Variants in FBXW11 observed in about 807,000 individuals in gnomAD.
The protein encoded by FBXW11 is F-box/WD repeat-containing protein 11.
In FBXW11, 19 loss-of-function variants were observed where a neutral mutation model predicts 77.6. The ratio of observed to expected loss-of-function variants is 0.24; its 90% confidence interval spans 0.17 to 0.36. FBXW11 has a LOEUF of 0.36. FBXW11 is among the 10% of genes least tolerant of loss of function. The pLI, the probability that FBXW11 is intolerant of heterozygous loss-of-function variation, is 1.00. For missense variants in FBXW11, 334 were observed against 704.2 expected (o/e 0.47, Z 5.95); for synonymous variants, 235 against 249.4 (o/e 0.94, Z 0.54).
In FBXW11 at chr5:171,972,605, C is replaced by T. The variant is rs921339381; in HGVS notation, c.46-14907G>A. Reference sequence around the variant, plus strand: ...TGTCACCCAGGCTGGAGTGCAATGACGCGATCTTGGCTCACTGCAACCTCC... The same window carrying T: ...TGTCACCCAGGCTGGAGTGCAATGATGCGATCTTGGCTCACTGCAACCTCC... On this transcript the variant is annotated intron_variant, in intron 1 of 13. Transcript: ENST00000517395. Among the ~76,000 whole-genome samples, 23 of 148,456 alleles carry T rather than the reference C, an allele frequency of 1.5e-4. 1 individual carries two copies. Among genetic ancestry groups the T allele is most frequent in the Middle Eastern group, 3.6e-3 (1 of 274 alleles).
chr5:171,904,883 T>G lies in FBXW11; in HGVS notation c.437-4783A>C, dbSNP rs986208070. Among the ~76,000 whole-genome samples the G allele has an allele frequency of 6.6e-6, 1 of 152,184 alleles. No homozygotes were observed. The highest frequency in any genetic ancestry group is 1.5e-5 in the Non-Finnish European group (1 of 68,028). ...CCGTGCCCAGCCAGGAATCTGTATT[T>G]TTAAGAAGTGCCACTAGATAATGCT... On this transcript the variant is annotated intron_variant, in intron 4 of 13. Transcript: ENST00000517395. This position sits in a 1 kb window ranked among gnomAD's most constrained non-coding sequence, Gnocchi z 4.0.
At chr5:171,966,693 T>C (rs763717637) in intron 1 of FBXW11, among the ~76,000 whole-genome samples, 6 of 152,214 alleles carry the variant, frequency 3.9e-5, no homozygotes, top group Non-Finnish European at 7.3e-5. Context: ...AACACCTAAG[T>C]ACATCTGGGC....
Position 171,986,544 on chromosome 5 carries a change from T to C in FBXW11, c.45+19914A>G, listed in dbSNP as rs998269146. Among the ~76,000 whole-genome samples the C allele has an allele frequency of 1.1e-4, 16 of 152,038 alleles. No homozygotes were observed. In the South Asian group the frequency reaches 3.3e-3, roughly 32 times the overall value. On this transcript the variant is annotated intron_variant, in intron 1 of 13. Transcript: ENST00000517395. ...GAGTTCAAGACCAGCCTGGCCAACA[T>C]GGCAAAGCCCCATCTCTGCTAAAAA...
Position 171,876,756 on chromosome 5 carries a change from T to G in FBXW11, c.972-222A>C, listed in dbSNP as rs954628085. On this transcript the variant is annotated intron_variant, in intron 8 of 13. Coordinates refer to ENST00000517395, the MANE Select transcript of FBXW11 (RefSeq NM_001378974.1). This position sits in a 1 kb window ranked among gnomAD's most constrained non-coding sequence, Gnocchi z 4.2. Reference sequence around the variant, plus strand: ...CATGAATGGCTTGGTGCCATTCTCATAGGAGGGAGTTCACTCTTAGTTCCT... The same window carrying G: ...CATGAATGGCTTGGTGCCATTCTCAGAGGAGGGAGTTCACTCTTAGTTCCT... Among the ~76,000 whole-genome samples, 3 of 152,176 alleles carry G rather than the reference T, an allele frequency of 2.0e-5. No individual in the cohort carries two copies. Among genetic ancestry groups the G allele is most frequent in the Non-Finnish European group, 4.4e-5 (3 of 68,030 alleles).
intron 1 of FBXW11, among the ~76,000 whole-genome samples, chr5:172,001,395 G>C: frequency 6.6e-6 from 1 of 152,182 alleles, no homozygotes; most frequent in East Asian, 1.9e-4. Flanking sequence ...AAAGAGGATA[G>C]TTAAGACACA....
At chr5:171,913,826 C>CAT (rs1761046099) in intron 3 of FBXW11, among the ~76,000 whole-genome samples, 1 of 112,180 alleles carries the variant, frequency 8.9e-6, no homozygotes, top group Non-Finnish European at 1.8e-5. Flanking sequence ...CATACACACA[C>CAT]ACACACACAC....
At chr5:171,949,089 G>A (rs560842569) in intron 2 of FBXW11, among the ~76,000 whole-genome samples, 22 of 152,242 alleles carry the variant, frequency 1.4e-4, no homozygotes, top group African/African-American at 3.6e-4. Context: ...TAGGAATAAC[G>A]TTTGACACTA....
chr5:171,997,728 C>A (rs1581098039), intron 1 of FBXW11, among the ~76,000 whole-genome samples: 1 of 152,136 alleles, frequency 6.6e-6, no homozygotes, highest in African/African-American at 2.4e-5. Flanking sequence ...ATATTAAGTC[C>A]TGTCCATATT....
In FBXW11 at chr5:171,916,241, A is replaced by T. The variant is rs191342715; in HGVS notation, c.148-1836T>A. Among the ~76,000 whole-genome samples, 243 of 104,724 alleles carry T rather than the reference A, an allele frequency of 2.3e-3. 1 individual carries two copies. The highest frequency in any genetic ancestry group is 6.0e-3 in the East Asian group (20 of 3,360). The allele number at this position is 104,724 out of a possible 152,430, so 68.7% of individuals were successfully genotyped here. A position where few individuals can be genotyped will look rare whatever the true frequency, so the allele number is the denominator to read the frequency against. Reference sequence around the variant, plus strand: ...TACCCTAGAACTTAAAGTATAATTTAAAAAAAAAATGAGAAAAAAAAAAAA... The same window carrying T: ...TACCCTAGAACTTAAAGTATAATTTTAAAAAAAAATGAGAAAAAAAAAAAA... On this transcript the variant is annotated intron_variant, in intron 2 of 13. Coordinates refer to ENST00000517395, the MANE Select transcript of FBXW11 (RefSeq NM_001378974.1).
intron 1 of FBXW11, among the ~76,000 whole-genome samples, chr5:171,974,092 G>A (rs1229240822): frequency 6.6e-6 from 1 of 152,094 alleles, no homozygotes; most frequent in Non-Finnish European, 1.5e-5. Flanking sequence ...GGTGGTACAT[G>A]AAGATTCTTT....
At chr5:171,965,067 T>C (rs956266805) in intron 1 of FBXW11, among the ~76,000 whole-genome samples, 2 of 152,040 alleles carry the variant, frequency 1.3e-5, no homozygotes, top group Non-Finnish European at 2.9e-5. Flanking sequence ...ATGAGAAGAA[T>C]GAGGAAAACC....
intron 1 of FBXW11, among the ~76,000 whole-genome samples, chr5:172,005,458 A>G (rs999189391): frequency 2.0e-5 from 3 of 152,044 alleles, no homozygotes; most frequent in African/African-American, 7.2e-5. Flanking sequence ...CTTCCACCAA[A>G]TCATCCATCA....
intron 4 of FBXW11, among the ~76,000 whole-genome samples, chr5:171,902,426 C>G (rs1279541583): frequency 6.6e-6 from 1 of 150,702 alleles, no homozygotes; most frequent in Admixed American, 6.6e-5. Context: ...AATCCCTAAA[C>G]CCCATTTCCC....
chr5:171,934,676 CAAAA>C (rs34077162), intron 2 of FBXW11, among the ~76,000 whole-genome samples: 3 of 69,196 alleles, frequency 4.3e-5, no homozygotes, highest in Admixed American at 1.6e-4. Context: ...GACCCTGTCT[CAAAA>C]AAAAAAAAAA....
intron 1 of FBXW11, among the ~76,000 whole-genome samples, chr5:171,992,187 T>C (rs1167380908): frequency 8.7e-5 from 13 of 149,890 alleles, no homozygotes; most frequent in Admixed American, 2.7e-4. Context: ...CCCAGCACTT[T>C]TGGAGGCCAA....
chr5:171,913,986 G>T (rs1458559875), intron 3 of FBXW11, among the ~76,000 whole-genome samples: 2 of 152,158 alleles, frequency 1.3e-5, no homozygotes, highest in African/African-American at 2.4e-5. Flanking sequence ...AAGAGTAAAG[G>T]TTGAGAGCAA....
intron 9 of FBXW11, among the ~76,000 whole-genome samples, chr5:171,874,527 G>T (rs529121138): frequency 1.3e-4 from 20 of 152,206 alleles, no homozygotes; most frequent in South Asian, 6.2e-4. Context: ...TAGCTTCCCA[G>T]CTATCCAATG....
In FBXW11 at chr5:171,863,861, TA is replaced by T. The variant is rs1185620568; in HGVS notation, c.*265del. 1.3e-5 allele frequency: 2 copies of T among 152,504 alleles called. No individual in the cohort carries two copies. Among genetic ancestry groups the T allele is most frequent in the Admixed American group, 1.3e-4 (2 of 15,280 alleles). The allele number at this position is 152,504 out of a possible 1,614,324, so 9.4% of individuals were successfully genotyped here. A position where few individuals can be genotyped will look rare whatever the true frequency, so the allele number is the denominator to read the frequency against. On this transcript the variant is annotated 3_prime_UTR_variant, in exon 14 of 14. Transcript: ENST00000517395. ...TATGAACAATTTACATTTGAAACATTAGATTTTTTCACTGATGAGGGAAGGA... is the reference window on the plus strand; with the variant it reads ...TATGAACAATTTACATTTGAAACATTGATTTTTTCACTGATGAGGGAAGGA...
chr5:171,958,900 T>C (rs563565291), intron 1 of FBXW11, among the ~76,000 whole-genome samples: 18 of 152,236 alleles, frequency 1.2e-4, no homozygotes, highest in Non-Finnish European at 2.6e-4. Flanking sequence ...ACACCCTCAT[T>C]TGCCTGAGAT....
Sources: gnomAD v4.1 joint callset for allele counts (sites outside exome capture counted in the v4.1 genomes callset) on GRCh38, gnomAD v4.1.1 for gene constraint, Gnocchi (gnomAD v3.1) non-coding constraint, MANE v1.5 for transcripts, NCBI Gene and HGNC (gene_info 2026-07-23, HGNC 2026-07-21) for gene names.